DIP2A: variants seen among roughly 807,000 people sequenced by gnomAD.
The protein encoded by DIP2A is disco-interacting protein 2 homolog A.
DIP2A carries 85 observed loss-of-function variants against 177.4 expected under a neutral mutation model. The ratio of observed to expected loss-of-function variants is 0.48; its 90% CI spans 0.40 to 0.57. The LOEUF (loss-of-function observed/expected upper bound fraction) is 0.57. DIP2A is among the 20% of genes least tolerant of loss of function. The probability of loss-of-function intolerance (pLI) is 0.00; values close to 1 mark genes in which losing one functional copy is unlikely to be tolerated. For missense variants in DIP2A, 1,791 were observed against 2,100.2 expected (o/e 0.85, Z 2.88); for synonymous variants, 886 against 881.8 (o/e 1.00, Z -0.08).
At chr21:46,578,322 A>C in the DIP2A span, among the ~76,000 whole-genome samples, 1 of 151,034 alleles carries the variant, frequency 6.6e-6, no homozygotes, top group African/African-American at 2.5e-5. Flanking sequence ...AAAAACAAAC[A>C]AACAAAAACA....
At chr21:46,494,438 T>C (rs950559601) in intron 3 of DIP2A, among the ~76,000 whole-genome samples, 12 of 152,254 alleles carry the variant, frequency 7.9e-5, no homozygotes, top group African/African-American at 2.9e-4. Flanking sequence ...GACTCTTGGC[T>C]GTTCACTGTG....
chr21:46,538,504 C>A lies in DIP2A; in HGVS notation c.1823C>A (p.Ser608Ter). Residue 608 changes from serine (S) to a stop codon, truncating the protein, a stop_gained, in exon 16 of 38, where the codon TCG (serine) becomes TAG (stop). Transcript: ENST00000417564. LOFTEE classifies it high-confidence loss of function. Reference sequence around the variant, plus strand: ...GCAGCTCGGGCCGCGCTGGTGAAGTCGCGAGACATGCACTGGTCTCTCCTA... The same window carrying A: ...GCAGCTCGGGCCGCGCTGGTGAAGTAGCGAGACATGCACTGGTCTCTCCTA... The part of the protein sequence containing the change: ...FYKARAALVK[S>*]RDMHWSLLAQ... 1.3e-6 allele frequency: 2 copies of A among 1,550,454 alleles called. No homozygotes were observed. Among genetic ancestry groups the A allele is most frequent in the South Asian group, 1.2e-5 (1 of 84,198 alleles).
chr21:46,577,148 A>T, the DIP2A span, among the ~76,000 whole-genome samples: 3 of 151,930 alleles, frequency 2.0e-5, no homozygotes, highest in South Asian at 6.2e-4. Context: ...CTATTTGTCA[A>T]TTTCCTTTTG....
chr21:46,576,822 T>G, the DIP2A span, among the ~76,000 whole-genome samples: 1 of 151,748 alleles, frequency 6.6e-6, no homozygotes, highest in East Asian at 1.9e-4. Context: ...CCATTCTGAC[T>G]GGTGTGAGAC....
intron 23 of DIP2A, 148 bp downstream of exon 23, chr21:46,550,892 A>G: frequency 1.2e-6 from 1 of 814,396 alleles, no homozygotes; most frequent in Admixed American, 2.5e-5. Context: ...TGTGCACCCC[A>G]GAATGGTGCC....
chr21:46,484,725 A>G, intron 1 of DIP2A, 32 bp from the exon 2 acceptor site: 1 of 1,520,978 alleles, frequency 6.6e-7, no homozygotes, highest in Non-Finnish European at 8.8e-7. Flanking sequence ...ATTGTAGAAG[A>G]AATGCAATTC....
At chr21:46,503,636 CCTTTCTTTCTTTCTTTTT>C (rs2057805537) in intron 5 of DIP2A, among the ~76,000 whole-genome samples, 2 of 112,326 alleles carry the variant, frequency 1.8e-5, no homozygotes, top group Non-Finnish European at 3.7e-5. Context: ...TTCTTTCTTT[CCTTTCTTTCTTTCTTTTT>C]CTTTCTTTCT....
intron 5 of DIP2A, among the ~76,000 whole-genome samples, chr21:46,502,662 A>G (rs2057721161): frequency 6.6e-6 from 1 of 151,884 alleles, no homozygotes; most frequent in African/African-American, 2.4e-5. Context: ...TGGCCAGGCC[A>G]TTCTCGAACT....
chr21:46,506,772 C>CTTTT (rs777889428), intron 6 of DIP2A, among the ~76,000 whole-genome samples: 1 of 60,574 alleles, frequency 1.7e-5, no homozygotes. Context: ...TTCTTTCTTT[C>CTTTT]TTTTCTTTTC....
intron 1 of DIP2A, among the ~76,000 whole-genome samples, chr21:46,459,432 AC>A (rs2054082410): frequency 7.8e-6 from 1 of 128,034 alleles, no homozygotes; most frequent in African/African-American, 3.0e-5. Flanking sequence ...CCCCGGAGAC[AC>A]CGTTCCTCAA....
At chr21:46,552,434 A>G (rs2060306205) in intron 25 of DIP2A, among the ~76,000 whole-genome samples, 1 of 152,240 alleles carries the variant, frequency 6.6e-6, no homozygotes, top group Non-Finnish European at 1.5e-5. Flanking sequence ...GATGTCAAGA[A>G]GGAGAAGCTG....
At chr21:46,473,922 ATCTCT>A (rs1296671930) in intron 1 of DIP2A, among the ~76,000 whole-genome samples, 2 of 152,154 alleles carry the variant, frequency 1.3e-5, no homozygotes, top group African/African-American at 4.8e-5. Context: ...TTTCTGCATA[ATCTCT>A]TTTGTCTCTT....
At chr21:46,524,471 G>A (rs1340867640) in intron 8 of DIP2A, among the ~76,000 whole-genome samples, 2 of 152,246 alleles carry the variant, frequency 1.3e-5, no homozygotes, top group South Asian at 4.2e-4. Flanking sequence ...TGGTGCTGTG[G>A]TCTTATCTCC....
At chr21:46,496,016 G>C (rs1316937344) in intron 3 of DIP2A, among the ~76,000 whole-genome samples, 1 of 151,920 alleles carries the variant, frequency 6.6e-6, no homozygotes. Context: ...AGATTGCAGT[G>C]AGCTGAGATC....
intron 25 of DIP2A, chr21:46,553,385 TAAG>T (rs1417390537): frequency 6.6e-6 from 1 of 152,228 alleles, no homozygotes; most frequent in Non-Finnish European, 1.5e-5. Context: ...TTTATCTTCT[TAAG>T]AAGGACTAAA....
At chr21:46,500,751 G>C (rs890859441) in intron 5 of DIP2A, among the ~76,000 whole-genome samples, 13 of 152,216 alleles carry the variant, frequency 8.5e-5, no homozygotes, top group Non-Finnish European at 1.8e-4. Flanking sequence ...CAGTGATTGT[G>C]GGGTGTCTTT....
intron 21 of DIP2A, among the ~76,000 whole-genome samples, chr21:46,549,444 TATA>T (rs1365015935): frequency 6.6e-6 from 1 of 152,140 alleles, no homozygotes; most frequent in Non-Finnish European, 1.5e-5. Context: ...ATTAAAAAAA[TATA>T]ATAAATAGAA....
intron 5 of DIP2A, among the ~76,000 whole-genome samples, chr21:46,500,189 A>C (rs2057574580): frequency 6.6e-6 from 1 of 152,092 alleles, no homozygotes; most frequent in Non-Finnish European, 1.5e-5. Flanking sequence ...CCTTCTTCTG[A>C]GGCGTCCGTC....
chr21:46,497,701 A>G (rs1298984703), intron 4 of DIP2A, among the ~76,000 whole-genome samples: 3 of 152,234 alleles, frequency 2.0e-5, no homozygotes, highest in East Asian at 1.9e-4. Flanking sequence ...CATTGTTGTC[A>G]TATATTTAAA....
Sources: allele counts gnomAD v4.1 joint callset (sites outside exome capture counted in the v4.1 genomes callset), GRCh38; gene constraint gnomAD v4.1.1; transcripts MANE v1.5; gene names NCBI Gene and HGNC (gene_info 2026-07-23, HGNC 2026-07-21).